The following SOX5 variants were observed in gnomAD, a reference collection of about 807,000 sequenced individuals.
SOX5 encodes transcription factor SOX-5.
In SOX5, 9 loss-of-function variants were observed where a neutral mutation model predicts 92.0. The observed-to-expected ratio is 0.10, with a 90% confidence interval of 0.06 to 0.17. SOX5 has a LOEUF of 0.17. Ranked by LOEUF, SOX5 falls within the 10% of genes least tolerant of loss-of-function variation. The probability of loss-of-function intolerance (pLI) is 1.00; values close to 1 mark genes in which losing one functional copy is unlikely to be tolerated. For synonymous variants in SOX5, 344 were observed against 336.3 expected, an observed-to-expected ratio of 1.02 and a Z score of -0.25; for missense variants, 642 against 944.5, an observed-to-expected ratio of 0.68 and a Z score of 4.20.
chr12:23,987,028 T>C (rs899831123), intron 4 of SOX5, among the ~76,000 whole-genome samples: 7 of 152,186 alleles, frequency 4.6e-5, no homozygotes, highest in Non-Finnish European at 1.5e-5. Flanking sequence ...CATTAACAGG[T>C]TTTACTTGCT....
At chr12:23,676,316 A>G (rs2085682917) in intron 6 of SOX5, among the ~76,000 whole-genome samples, 1 of 152,204 alleles carries the variant, frequency 6.6e-6, no homozygotes, top group Non-Finnish European at 1.5e-5. Context: ...TCAAAATATC[A>G]TGTTGTATAC....
intron 4 of SOX5, among the ~76,000 whole-genome samples, chr12:23,956,194 A>T (rs1343686022): frequency 1.3e-5 from 2 of 152,180 alleles, no homozygotes; most frequent in Non-Finnish European, 2.9e-5. Context: ...TCTTATTCAT[A>T]GTAAAGGAGA....
chr12:24,235,662 C>CTTATA lies in SOX5; in HGVS notation c.-76-22246_-76-22245insTATAA, dbSNP rs1392243869. ...AAGAAAGTATGCTTTATTATATGAA[C>CTTATA]TTAATTTTTTATGAATTTCATTATA... On this transcript the variant is annotated intron_variant, in intron 3 of 4. Transcript: ENST00000446891. 3.9e-5 allele frequency among the ~76,000 whole-genome samples: 6 copies of CTTATA among 152,190 alleles called. No individual in the cohort carries two copies. The East Asian group carries it at 1.2e-3, about 29-fold the overall frequency.
At chr12:24,232,355 G>C (rs1201049277) in intron 3 of SOX5, among the ~76,000 whole-genome samples, 2 of 152,168 alleles carry the variant, frequency 1.3e-5, no homozygotes, top group Non-Finnish European at 2.9e-5. Flanking sequence ...ATAGGTAGCA[G>C]CAAAATCAAA....
At chr12:23,954,049 C>A (rs1945983568), upstream of SOX5, among the ~76,000 whole-genome samples, 1 of 151,942 alleles carries the variant, frequency 6.6e-6, no homozygotes, top group South Asian at 2.1e-4. Context: ...AAATTTAACC[C>A]CTTTTCAGGT....
intron 3 of SOX5, among the ~76,000 whole-genome samples, chr12:23,771,073 T>A (rs2094917397): frequency 1.3e-5 from 2 of 151,744 alleles, no homozygotes; most frequent in Non-Finnish European, 2.9e-5. Context: ...TATTATAAAT[T>A]TCTTCATACA....
chr12:24,500,714 C>T (rs1948107869), intron 1 of SOX5, among the ~76,000 whole-genome samples: 1 of 152,186 alleles, frequency 6.6e-6, no homozygotes, highest in Non-Finnish European at 1.5e-5. Context: ...TATTCCTTCT[C>T]CCATTGTTGA....
chr12:24,213,890 C>T (rs982010014), intron 3 of SOX5, among the ~76,000 whole-genome samples: 1 of 151,850 alleles, frequency 6.6e-6, no homozygotes, highest in South Asian at 2.1e-4. Flanking sequence ...CTGAAGTGAT[C>T]CTAAGCCTAG....
At chr12:23,745,948 T>C (rs1463156707) in intron 4 of SOX5, among the ~76,000 whole-genome samples, 1 of 152,150 alleles carries the variant, frequency 6.6e-6, no homozygotes, top group Non-Finnish European at 1.5e-5. Context: ...TAGAAAATCA[T>C]CTAACACCGT....
chr12:23,979,906 T>A (rs76751973), intron 4 of SOX5, among the ~76,000 whole-genome samples: 968 of 14,172 alleles, frequency 0.068, 11 homozygotes, highest in African/African-American at 0.11. Context: ...GCTGGCTGGC[T>A]GGCTGGCCAG....
At chr12:24,460,813 C>T (rs1396200) in intron 1 of SOX5, 46,665 of 151,968 alleles carry the variant, frequency 0.31, 8,289 homozygotes, top group East Asian at 0.72. Flanking sequence ...GCAGTGGTAA[C>T]AGCTCCTTTG....
intron 3 of SOX5, among the ~76,000 whole-genome samples, chr12:24,246,375 TA>T (rs895877226): frequency 5.3e-5 from 8 of 151,362 alleles, no homozygotes; most frequent in Admixed American, 6.6e-5. Flanking sequence ...GTTTCAAACT[TA>T]AAAAAAAATT....
At chr12:23,882,388 C>T (rs187906078) in intron 2 of SOX5, among the ~76,000 whole-genome samples, 4 of 150,464 alleles carry the variant, frequency 2.7e-5, no homozygotes, top group Non-Finnish European at 3.0e-5. Flanking sequence ...AAAAAAACCA[C>T]GGTAATAAAC....
At chr12:24,322,179 G>A (rs1950263300) in intron 2 of SOX5, among the ~76,000 whole-genome samples, 1 of 151,986 alleles carries the variant, frequency 6.6e-6, no homozygotes, top group African/African-American at 2.4e-5. Context: ...TGGCATTTTA[G>A]GAATCTCATT....
intron 2 of SOX5, among the ~76,000 whole-genome samples, chr12:24,309,373 A>T (rs1033203780): frequency 6.6e-6 from 1 of 152,184 alleles, no homozygotes; most frequent in Non-Finnish European, 1.5e-5. Flanking sequence ...TAAATATTAT[A>T]AACACTTTTC....
chr12:24,133,860 T>A (rs923549009), intron 4 of SOX5, among the ~76,000 whole-genome samples: 2 of 152,126 alleles, frequency 1.3e-5, no homozygotes, highest in African/African-American at 4.8e-5. Flanking sequence ...ATATAATGAT[T>A]AGAATCACAT....
At chr12:23,734,038 G>A (rs1488341405) in intron 6 of SOX5, among the ~76,000 whole-genome samples, 6 of 152,156 alleles carry the variant, frequency 3.9e-5, no homozygotes, top group Non-Finnish European at 7.4e-5. Context: ...CTGAACTTTT[G>A]TCAAAGTTTA....
chr12:23,966,958 C>T (rs1008786338), intron 4 of SOX5, among the ~76,000 whole-genome samples: 12 of 152,054 alleles, frequency 7.9e-5, no homozygotes, highest in African/African-American at 2.4e-4. Context: ...TTATATTTTC[C>T]TCTTGAGTGA....
At chr12:23,679,633 A>G (rs2086263800) in intron 6 of SOX5, among the ~76,000 whole-genome samples, 2 of 152,334 alleles carry the variant, frequency 1.3e-5, no homozygotes, top group Non-Finnish European at 2.9e-5. Context: ...AATGGTCAGT[A>G]AAAACTCAAT....
Sources: allele counts gnomAD v4.1 joint callset (sites outside exome capture counted in the v4.1 genomes callset), GRCh38; gene constraint gnomAD v4.1.1; transcripts MANE v1.5; gene names NCBI Gene and HGNC (gene_info 2026-07-23, HGNC 2026-07-21).